Variants in SLC39A11 observed in about 807,000 individuals in gnomAD.
The protein encoded by SLC39A11 is zinc transporter ZIP11.
In SLC39A11, 33 loss-of-function variants were observed where a neutral mutation model predicts 36.1. The observed-to-expected ratio is 0.91, with a 90% CI of 0.69 to 1.22. SLC39A11 has a LOEUF of 1.22. Ranked by LOEUF, SLC39A11 falls within the 50% of genes most tolerant of loss-of-function variation. SLC39A11 has a pLI of 0.00. For missense variants in SLC39A11, 432 were observed against 430.3 expected (o/e 1.00, Z -0.03); for synonymous variants, 166 against 170.3 (o/e 0.97, Z 0.20).
At chr17:73,071,783 G>A (rs1201584389) in intron 3 of SLC39A11, among the ~76,000 whole-genome samples, 1 of 152,192 alleles carries the variant, frequency 6.6e-6, no homozygotes, top group Non-Finnish European at 1.5e-5. Context: ...GAATGGCTGT[G>A]TTCCAACAAA....
Position 72,924,722 on chromosome 17 carries a change from G to A in SLC39A11, c.430+23030C>T, listed in dbSNP as rs931515089. ...AGGGAGAAGTCAAAAGTCAGAGAGA[G>A]GCCAGGCACGGTGGCTCACACCTGT... is the stretch of plus-strand genomic sequence containing the variant. On this transcript the variant is annotated intron_variant, in intron 5 of 9. Coordinates refer to ENST00000255559, the MANE Select transcript of SLC39A11 (RefSeq NM_139177.4). Among the ~76,000 whole-genome samples the A allele has an allele frequency of 4.6e-5, 7 of 152,152 alleles. 1 individual carries two copies. In the South Asian group the frequency reaches 1.0e-3, roughly 22 times the overall value.
intron 4 of SLC39A11, among the ~76,000 whole-genome samples, chr17:73,014,421 C>T (rs1300712121): frequency 6.6e-6 from 1 of 152,172 alleles, no homozygotes; most frequent in Non-Finnish European, 1.5e-5. Context: ...CTTTGAGAGG[C>T]CCAGGTGGAA....
At chr17:72,730,972 G>A (rs2074193038) in intron 7 of SLC39A11, among the ~76,000 whole-genome samples, 2 of 152,128 alleles carry the variant, frequency 1.3e-5, no homozygotes, top group Admixed American at 6.5e-5. Flanking sequence ...GGCTGGTCTC[G>A]AACTCCTGAC....
rs76049852 is a variant in SLC39A11, at chr17:72,872,232, A to G, written c.431-22428T>C. Among the ~76,000 whole-genome samples the G allele has an allele frequency of 8.1e-3, 1,228 of 152,146 alleles. 11 individuals carry two copies. The highest frequency in any genetic ancestry group is 0.028 in the African/African-American group (1,158 of 41,516). ...AAGACCCACATCCCTGGATTTACAG[A>G]CCCTCTGGGGTGTGTCCCTAGCTTG... On this transcript the variant is annotated intron_variant, in intron 5 of 9. Transcript: ENST00000255559.
chr17:73,021,371 G>A (rs2058347544), intron 4 of SLC39A11, among the ~76,000 whole-genome samples: 1 of 151,196 alleles, frequency 6.6e-6, no homozygotes, highest in South Asian at 2.1e-4. Context: ...ACATAGTCTT[G>A]CTCTGTCACC....
At chr17:73,031,076 TGGCAGG>T (rs1360983795) in intron 4 of SLC39A11, among the ~76,000 whole-genome samples, 8 of 152,164 alleles carry the variant, frequency 5.3e-5, no homozygotes, top group Non-Finnish European at 1.2e-4. Flanking sequence ...AATCAGTAAA[TGGCAGG>T]TGTGAGCTCC....
intron 7 of SLC39A11, among the ~76,000 whole-genome samples, chr17:72,730,392 C>CTTTCT (rs1215048644): frequency 2.0e-5 from 3 of 152,242 alleles, no homozygotes; most frequent in Non-Finnish European, 2.9e-5. Flanking sequence ...GTAATACCCG[C>CTTTCT]TTTCTTTTGA....
chr17:73,064,123 C>T (rs765132088), intron 3 of SLC39A11, among the ~76,000 whole-genome samples: 7 of 152,060 alleles, frequency 4.6e-5, no homozygotes, highest in Admixed American at 4.6e-4. Flanking sequence ...AGAAAACCTA[C>T]GCACTGGTCG....
In SLC39A11 at chr17:72,648,832, C is replaced by T; in HGVS notation, c.900G>A (p.Met300Ile). The T allele has an allele frequency of 6.2e-7, 1 of 1,614,174 alleles. No individual in the cohort carries two copies. The highest frequency in any genetic ancestry group is 8.5e-7 in the Non-Finnish European group (1 of 1,180,030). Residue 300 changes from methionine (M) to isoleucine (I), a missense_variant, in exon 9 of 10, where the codon ATG (methionine) becomes ATA (isoleucine). Transcript: ENST00000255559. ...FAAGAMVYVV[M>I]DDIIPEAQIS... is the part of the protein sequence containing the mutation. ...TCTGGGCTTCGGGGATGATGTCGTCCATGACCACGTAGACCATGGCACCGG... is the reference window on the plus strand; with the variant it reads ...TCTGGGCTTCGGGGATGATGTCGTCTATGACCACGTAGACCATGGCACCGG...
chr17:72,943,793 G>A (rs1165275555), intron 5 of SLC39A11, among the ~76,000 whole-genome samples: 2 of 152,178 alleles, frequency 1.3e-5, no homozygotes, highest in African/African-American at 2.4e-5. Context: ...CACTAGTGAA[G>A]AGTATCTATA....
intron 5 of SLC39A11, chr17:72,947,522 C>G (rs1041401804): frequency 3.3e-6 from 2 of 607,734 alleles, no homozygotes; most frequent in Admixed American, 2.9e-5. Context: ...CAAAAGGTAC[C>G]GTTACCTTCT....
intron 5 of SLC39A11, among the ~76,000 whole-genome samples, chr17:72,877,570 G>A (rs2080973936): frequency 6.6e-6 from 1 of 152,114 alleles, no homozygotes; most frequent in African/African-American, 2.4e-5. Context: ...CTCATGAGAG[G>A]TAATCAAGGT....
At chr17:72,737,289 TA>T (rs567064363) in intron 6 of SLC39A11, among the ~76,000 whole-genome samples, 182 of 136,484 alleles carry the variant, frequency 1.3e-3, no homozygotes, top group Non-Finnish European at 2.2e-3. Flanking sequence ...AAAAAAAAAA[TA>T]AAAATAAATT....
In SLC39A11 at chr17:72,716,980, A is replaced by AAT. The variant is rs772844911; in HGVS notation, c.671+19668_671+19669dup. 2.5e-4 allele frequency among the ~76,000 whole-genome samples: 32 copies of AAT among 130,476 alleles called. 1 individual carries two copies. Among genetic ancestry groups the AAT allele is most frequent in the Non-Finnish European group, 2.1e-4 (13 of 62,034 alleles). The allele number at this position is 130,476 out of a possible 152,430, so 85.6% of individuals were successfully genotyped here. On this transcript the variant is annotated intron_variant, in intron 7 of 9. Transcript: ENST00000255559. ...GGAGACCCTGTCTCAAAAAAAAAAA[A>AAT]ATATATATATATACACACACACACA...
chr17:73,089,311 G>A (rs1412559247), intron 1 of SLC39A11, among the ~76,000 whole-genome samples: 1 of 152,020 alleles, frequency 6.6e-6, no homozygotes. Context: ...ACCAACCCCC[G>A]ACTCTCCAAT....
intron 3 of SLC39A11, among the ~76,000 whole-genome samples, chr17:73,070,448 T>C (rs1868487): frequency 0.85 from 129,976 of 152,146 alleles, 55,644 homozygotes; most frequent in East Asian, 0.94. Context: ...GACTGTGACC[T>C]GAACCCTAAG....
At chr17:72,683,638 T>C (rs2071610694) in intron 7 of SLC39A11, among the ~76,000 whole-genome samples, 1 of 152,136 alleles carries the variant, frequency 6.6e-6, no homozygotes, top group South Asian at 2.1e-4. Flanking sequence ...TGAGGCTGAT[T>C]CTGGCAGTAG....
At position 72,947,752 on chromosome 17, in the gene SLC39A11, C is replaced by G. The variant is rs1360573356; in HGVS notation, c.430G>C (p.Asp144His). Residue 144 changes from aspartate (D) to histidine (H), a missense_variant and splice_region_variant, in exon 5 of 10, where the codon GAC becomes CAC. By Grantham distance (81) the Asp-to-His change is moderately conservative. Coordinates refer to ENST00000255559, the MANE Select transcript of SLC39A11 (RefSeq NM_139177.4). Reference protein sequence around the residue: ...FPESELSIRIDKSENGEAYQR... With the variant: ...FPESELSIRIHKSENGEAYQR... ...TTGCCTGAAAGAAGCCCAGCTCTAC[C>G]TATCCGGATGGAAAGTTCACTCTCA... The G allele has an allele frequency of 1.2e-6, 2 of 1,614,008 alleles. No individual in the cohort carries two copies. The highest frequency in any genetic ancestry group is 3.3e-5 in the Admixed American group (2 of 60,026).
chr17:73,036,119 A>T (rs1202254028), intron 3 of SLC39A11, among the ~76,000 whole-genome samples: 1 of 152,176 alleles, frequency 6.6e-6, no homozygotes, highest in Non-Finnish European at 1.5e-5. Context: ...ATCACTGTGG[A>T]CTTCAGACCT....
Sources: allele counts gnomAD v4.1 joint callset (sites outside exome capture counted in the v4.1 genomes callset), GRCh38; gene constraint gnomAD v4.1.1; transcripts MANE v1.5; gene names NCBI Gene and HGNC (gene_info 2026-07-23, HGNC 2026-07-21).